TMOD3: variants seen among roughly 807,000 people sequenced by gnomAD.
TMOD3 encodes the protein tropomodulin-3.
A neutral mutation model predicts 39.2 loss-of-function variants in TMOD3; 20 were observed. That is an observed-to-expected ratio of 0.51 (90% CI 0.36 to 0.74). TMOD3 has a LOEUF of 0.74. Ranked by LOEUF, TMOD3 falls within the 30% of genes least tolerant of loss-of-function variation. TMOD3 has a pLI of 0.00. For synonymous variants in TMOD3, 143 were observed against 145.8 expected, an observed-to-expected ratio of 0.98 and a Z score of 0.14; for missense variants, 381 against 412.8, an observed-to-expected ratio of 0.92 and a Z score of 0.67.
intron 1 of TMOD3, among the ~76,000 whole-genome samples, chr15:51,843,136 CA>C (rs940654837): frequency 2.4e-4 from 37 of 152,126 alleles, no homozygotes; most frequent in African/African-American, 8.9e-4. Flanking sequence ...AAAGAGTAGT[CA>C]GAGTTGGAAG....
chr15:51,895,140 C>G (rs1218519038), intron 6 of TMOD3, among the ~76,000 whole-genome samples: 2 of 151,894 alleles, frequency 1.3e-5, no homozygotes, highest in Admixed American at 1.3e-4. Flanking sequence ...TTCTGTGCTC[C>G]TCTAGGGAGT....
At chr15:51,844,512 A>G (rs146012313) in intron 1 of TMOD3, among the ~76,000 whole-genome samples, 14 of 152,266 alleles carry the variant, frequency 9.2e-5, no homozygotes, top group African/African-American at 3.4e-4. Context: ...TTTTTCTAAT[A>G]TCTTTCAGTA....
intron 3 of TMOD3, among the ~76,000 whole-genome samples, chr15:51,875,611 C>CT (rs34898032): frequency 0.42 from 48,619 of 116,052 alleles, 11,534 homozygotes; most frequent in Admixed American, 0.46. Flanking sequence ...AAAGTACTGC[C>CT]TTTTTTTTTT....
chr15:51,882,175 G>A (rs1208957546), intron 3 of TMOD3, among the ~76,000 whole-genome samples: 16 of 151,902 alleles, frequency 1.1e-4, no homozygotes, highest in Admixed American at 2.0e-4. Flanking sequence ...GATTACAGGC[G>A]TGAGTCACCA....
At chr15:51,845,168 CA>C (rs1281725972) in intron 1 of TMOD3, among the ~76,000 whole-genome samples, 2 of 152,158 alleles carry the variant, frequency 1.3e-5, no homozygotes, top group African/African-American at 2.4e-5. Context: ...CTGAGTCCAT[CA>C]GGCTCAGGGA....
chr15:51,885,421 G>C (rs1391140024), intron 3 of TMOD3, among the ~76,000 whole-genome samples: 2 of 151,988 alleles, frequency 1.3e-5, no homozygotes, highest in Non-Finnish European at 2.9e-5. Flanking sequence ...GGTTTTCCTA[G>C]GCAGAGGACC....
intron 1 of TMOD3, chr15:51,859,195 C>A: frequency 1.4e-6 from 1 of 730,150 alleles, no homozygotes; most frequent in South Asian, 1.4e-5. Flanking sequence ...CACAAACGGC[C>A]AGTCTGATAC....
chr15:51,913,613 C>T lies in TMOD3; in HGVS notation c.*4803C>T, dbSNP rs1257476576. 1 of 152,184 alleles carries T rather than the reference C, an allele frequency of 6.6e-6. No homozygotes were observed. The highest frequency in any genetic ancestry group is 6.5e-5 in the Admixed American group (1 of 15,280). The allele number at this position is 152,184 out of a possible 1,614,324, so 9.4% of individuals were successfully genotyped here. On this transcript the variant is annotated 3_prime_UTR_variant, in exon 10 of 10. Coordinates refer to ENST00000308580, the MANE Select transcript of TMOD3 (RefSeq NM_014547.5). ...AAACATATTTTATTAATTTTAAACT[C>T]TATCTTGCAGTCTGATCATTCAGAA...
chr15:51,854,149 C>T (rs750561049), intron 1 of TMOD3, among the ~76,000 whole-genome samples: 1 of 152,108 alleles, frequency 6.6e-6, no homozygotes, highest in Non-Finnish European at 1.5e-5. Context: ...TCTTGTAGGT[C>T]AGGGATGGGC....
At chr15:51,896,568 A>AGGGTG in intron 7 of TMOD3, 42 bp downstream of exon 7, 1 of 1,463,130 alleles carries the variant, frequency 6.8e-7, no homozygotes, top group Middle Eastern at 1.7e-4. Context: ...TGACATGCCC[A>AGGGTG]GGGTGTGTTA....
chr15:51,872,436 A>G (rs2056479881), intron 3 of TMOD3, among the ~76,000 whole-genome samples: 1 of 151,794 alleles, frequency 6.6e-6, no homozygotes, highest in Non-Finnish European at 1.5e-5. Context: ...AGGCCCTATC[A>G]TGCTCCTTCC....
intron 3 of TMOD3, among the ~76,000 whole-genome samples, chr15:51,883,502 C>CT (rs2056544834): frequency 6.6e-6 from 1 of 151,786 alleles, no homozygotes; most frequent in Non-Finnish European, 1.5e-5. Flanking sequence ...TAGTGTGTAA[C>CT]TTTTTTTTAC....
At chr15:51,872,485 CA>C (rs2056480129) in intron 3 of TMOD3, among the ~76,000 whole-genome samples, 1 of 151,932 alleles carries the variant, frequency 6.6e-6, no homozygotes, top group Non-Finnish European at 1.5e-5. Context: ...TAATTACCAA[CA>C]TAGTGTCTAA....
intron 1 of TMOD3, among the ~76,000 whole-genome samples, chr15:51,852,030 T>G (rs1372821632): frequency 6.6e-6 from 1 of 152,246 alleles, no homozygotes; most frequent in Non-Finnish European, 1.5e-5. Flanking sequence ...CTTATAGTAC[T>G]TATTGCTGTC....
chr15:51,896,264 G>A (rs772988072), intron 6 of TMOD3, among the ~76,000 whole-genome samples, 155 bp from the exon 7 acceptor site: 4 of 152,110 alleles, frequency 2.6e-5, no homozygotes, highest in African/African-American at 7.2e-5. Flanking sequence ...TATGGAGGAA[G>A]CTGCATTATT....
chr15:51,870,004 C>G (rs1291169113), intron 3 of TMOD3, among the ~76,000 whole-genome samples: 1 of 151,912 alleles, frequency 6.6e-6, no homozygotes, highest in African/African-American at 2.4e-5. Flanking sequence ...AATGGTGCAC[C>G]CTCGCCTCAC....
chr15:51,864,506 G>A (rs990741833), intron 2 of TMOD3, among the ~76,000 whole-genome samples: 7 of 152,042 alleles, frequency 4.6e-5, no homozygotes, highest in African/African-American at 1.7e-4. Flanking sequence ...TGAAACTACT[G>A]CCTTGAAAGA....
intron 1 of TMOD3, among the ~76,000 whole-genome samples, chr15:51,857,900 T>C (rs2056396387): frequency 6.6e-6 from 1 of 152,196 alleles, no homozygotes; most frequent in African/African-American, 2.4e-5. Flanking sequence ...GTGTTATTTT[T>C]AATTTTTGTC....
At chr15:51,837,410 C>G (rs1177953234) in intron 1 of TMOD3, among the ~76,000 whole-genome samples, 1 of 151,438 alleles carries the variant, frequency 6.6e-6, no homozygotes, top group Non-Finnish European at 1.5e-5. Context: ...GGTTAATACT[C>G]TTAGGGAACT....
Sources: gnomAD v4.1 joint callset for allele counts (sites outside exome capture counted in the v4.1 genomes callset) on GRCh38, gnomAD v4.1.1 for gene constraint, MANE v1.5 for transcripts, NCBI Gene and HGNC (gene_info 2026-07-23, HGNC 2026-07-21) for gene names.